Variants in URM1 observed in about 807,000 individuals in gnomAD.
URM1 encodes ubiquitin-related modifier 1.
A neutral mutation model predicts 17.7 loss-of-function variants in URM1; 11 were observed. That is an observed-to-expected ratio of 0.62 (90% CI 0.39 to 1.03). The LOEUF (loss-of-function observed/expected upper bound fraction) is 1.03. Ranked by LOEUF, URM1 falls within the 50% of genes least tolerant of loss-of-function variation. The pLI is 0.00. For synonymous variants in URM1, 48 were observed against 50.6 expected, an observed-to-expected ratio of 0.95 and a Z score of 0.22; for missense variants, 128 against 129.2, an observed-to-expected ratio of 0.99 and a Z score of 0.04.
chr9:128,386,816 G>A lies in URM1; in HGVS notation c.107-1000G>A, dbSNP rs1466951545. Among the ~76,000 whole-genome samples the A allele has an allele frequency of 4.6e-5, 7 of 152,224 alleles. No homozygotes were observed. In the East Asian group the frequency reaches 1.2e-3, roughly 25 times the overall value. On this transcript the variant is annotated intron_variant, in intron 2 of 4. Coordinates refer to ENST00000372853, the MANE Select transcript of URM1 (RefSeq NM_030914.4). ...TCCAGGACAGCAGACCCCTCTGGAC[G>A]CTGACTCGGGATGGGGTGCTTAACC...
chr9:128,376,099 A>G (rs1833072883), intron 1 of URM1, among the ~76,000 whole-genome samples: 1 of 151,958 alleles, frequency 6.6e-6, no homozygotes, highest in Non-Finnish European at 1.5e-5. Context: ...AGAGCCAGGC[A>G]TGATGACTCA....
intron 1 of URM1, among the ~76,000 whole-genome samples, chr9:128,375,051 C>T (rs1351662328): frequency 1.3e-5 from 2 of 152,226 alleles, no homozygotes; most frequent in African/African-American, 4.8e-5. Flanking sequence ...AGTTCAGCCC[C>T]TGCCTCTCTA....
At position 128,377,924 on chromosome 9, in the gene URM1, C is replaced by T. The variant is rs117782861; in HGVS notation, c.36-112C>T. 3,693 of 1,090,754 alleles carry T rather than the reference C, an allele frequency of 3.4e-3. 18 individuals are homozygous for T. The highest frequency in any genetic ancestry group is 0.01 in the Middle Eastern group (53 of 5,124). 67.6% of individuals were successfully genotyped at this position (1,090,754 alleles called of 1,614,324 possible). A position where few individuals can be genotyped will look rare whatever the true frequency, so the allele number is the denominator to read the frequency against. ...CCAAGGTGTTTCTGCACCTTAGTCTCTGCTTCTCTCGGCCTTCATTACCAG... is the reference window on the plus strand; with the variant it reads ...CCAAGGTGTTTCTGCACCTTAGTCTTTGCTTCTCTCGGCCTTCATTACCAG... On this transcript the variant is annotated intron_variant, in intron 1 of 4. Transcript: ENST00000372853.
chr9:128,379,492 A>T (rs986785832), intron 2 of URM1, among the ~76,000 whole-genome samples: 3 of 150,518 alleles, frequency 2.0e-5, no homozygotes, highest in African/African-American at 7.4e-5. Context: ...AAAAAGAAAA[A>T]GAAATAAGAA....
Position 128,390,112 on chromosome 9 carries a change from G to A in URM1, c.*378G>A, listed in dbSNP as rs1833290204. 7.4e-6 allele frequency: 2 copies of A among 269,628 alleles called. No homozygotes were observed. Among genetic ancestry groups the A allele is most frequent in the Non-Finnish European group, 1.4e-5 (2 of 141,482 alleles). The allele number at this position is 269,628 out of a possible 1,614,324, so 16.7% of individuals were successfully genotyped here. A position where few individuals can be genotyped will look rare whatever the true frequency, so the allele number is the denominator to read the frequency against. On this transcript the variant is annotated 3_prime_UTR_variant, in exon 5 of 5. Transcript: ENST00000372853. The stretch of plus-strand genomic sequence containing the variant: ...AAGGCGCTCCAGCCCCAGAGCCAGC[G>A]TCTTCATGGGGAAGATGAATGGACC...
At chr9:128,374,021 T>C (rs1174582054) in intron 1 of URM1, among the ~76,000 whole-genome samples, 1 of 152,190 alleles carries the variant, frequency 6.6e-6, no homozygotes, top group Admixed American at 6.5e-5. Context: ...TACAAACACA[T>C]CCACCAAGAA....
In URM1 at chr9:128,391,127, G is replaced by A. The variant is rs1588590675; in HGVS notation, c.*1393G>A. ...TTTGCTGGAGGGAGACCCCCAAAAAGAATTAGGGTGCTAACATCCCACCAA... is the reference window on the plus strand; with the variant it reads ...TTTGCTGGAGGGAGACCCCCAAAAAAAATTAGGGTGCTAACATCCCACCAA... On this transcript the variant is annotated 3_prime_UTR_variant, in exon 5 of 5. Coordinates refer to ENST00000372853, the MANE Select transcript of URM1 (RefSeq NM_030914.4). 1 of 152,202 alleles carries A rather than the reference G, an allele frequency of 6.6e-6. No individual in the cohort carries two copies. The highest frequency in any genetic ancestry group is 1.5e-5 in the Non-Finnish European group (1 of 68,026). The allele number at this position is 152,202 out of a possible 1,614,324, so 9.4% of individuals were successfully genotyped here. A position where few individuals can be genotyped will look rare whatever the true frequency, so the allele number is the denominator to read the frequency against.
rs1242119089 is a variant in URM1, at chr9:128,389,969, C to A, written c.*235C>A. 2 of 582,132 alleles carry A rather than the reference C, an allele frequency of 3.4e-6. No homozygotes were observed. Among genetic ancestry groups the A allele is most frequent in the Admixed American group, 6.5e-5 (2 of 30,680 alleles). The allele number at this position is 582,132 out of a possible 1,614,324, so 36.1% of individuals were successfully genotyped here. ...AGCCCAGCACTCCCTTTTCCAGCAG[C>A]TGTGGTGGGGGAGGGTTCCCCTCCA... On this transcript the variant is annotated 3_prime_UTR_variant, in exon 5 of 5. Transcript: ENST00000372853.
chr9:128,379,509 C>T (rs1833129302), intron 2 of URM1, among the ~76,000 whole-genome samples: 1 of 145,860 alleles, frequency 6.9e-6, no homozygotes, highest in Non-Finnish European at 1.5e-5. Flanking sequence ...AGAAAATAGG[C>T]CAGGTGTTGG....
intron 1 of URM1, among the ~76,000 whole-genome samples, chr9:128,374,353 T>C (rs1833050617): frequency 6.6e-6 from 1 of 152,202 alleles, no homozygotes; most frequent in Non-Finnish European, 1.5e-5. Context: ...TTGGCCAGTC[T>C]TGGTTGTTTG....
chr9:128,387,098 AG>A lies in URM1; in HGVS notation c.107-716del, dbSNP rs1311648755. Reference sequence around the variant, plus strand: ...CTGAGCCTCCACATGACATACAAGGAGGCTGGTGGCTCCCCCAGAACCACAA... The same window carrying A: ...CTGAGCCTCCACATGACATACAAGGAGCTGGTGGCTCCCCCAGAACCACAA... On this transcript the variant is annotated intron_variant, in intron 2 of 4. Coordinates refer to ENST00000372853, the MANE Select transcript of URM1 (RefSeq NM_030914.4). This position sits in a 1 kb window ranked among gnomAD's most constrained non-coding sequence, Gnocchi z 4.3. Among the ~76,000 whole-genome samples the A allele has an allele frequency of 6.6e-6, 1 of 152,184 alleles. No homozygotes were observed. Among genetic ancestry groups the A allele is most frequent in the Non-Finnish European group, 1.5e-5 (1 of 68,036 alleles).
intron 2 of URM1, among the ~76,000 whole-genome samples, chr9:128,378,588 T>C (rs1444761354): frequency 6.8e-6 from 1 of 147,448 alleles, no homozygotes; most frequent in Non-Finnish European, 1.5e-5. Context: ...TAATCTTTCT[T>C]GAACAAATAT....
intron 1 of URM1, among the ~76,000 whole-genome samples, chr9:128,375,260 C>T (rs1199678229): frequency 6.6e-6 from 1 of 152,200 alleles, no homozygotes; most frequent in Non-Finnish European, 1.5e-5. Flanking sequence ...CTCTCAGCCT[C>T]CAGCACTGTG....
At position 128,389,807 on chromosome 9, in the gene URM1, C is replaced by T. The variant is rs563036884; in HGVS notation, c.*73C>T. On this transcript the variant is annotated 3_prime_UTR_variant, in exon 5 of 5. Coordinates refer to ENST00000372853, the MANE Select transcript of URM1 (RefSeq NM_030914.4). ...TCAGACATCCCCTTGGGCCCTGCTT[C>T]CAGGTCTCCCTGTCCCCCTTGCCTG... 1.9e-5 allele frequency: 31 copies of T among 1,595,372 alleles called. 1 individual carries two copies. The East Asian group carries it at 3.8e-4, about 20-fold the overall frequency.
chr9:128,373,875 C>A (rs1359439161), intron 1 of URM1, among the ~76,000 whole-genome samples: 1 of 152,098 alleles, frequency 6.6e-6, no homozygotes, highest in African/African-American at 2.4e-5. Flanking sequence ...TGCAGCCCAG[C>A]AGGTGGAGAG....
chr9:128,379,191 G>T (rs181459700), intron 2 of URM1, among the ~76,000 whole-genome samples: 5 of 152,116 alleles, frequency 3.3e-5, no homozygotes, highest in African/African-American at 9.6e-5. Context: ...GTAGAAAATG[G>T]TCAAGTCAGG....
rs1283270121 is a variant in URM1, at chr9:128,390,299, A to C, written c.*565A>C. The stretch of plus-strand genomic sequence containing the variant: ...AGTGCCGACTCCCCCCACCGCCAGC[A>C]GCTGCTCCTCCAGCCACACCCCTCC... On this transcript the variant is annotated 3_prime_UTR_variant, in exon 5 of 5. Transcript: ENST00000372853. 1 of 150,690 alleles carries C rather than the reference A, an allele frequency of 6.6e-6. No homozygotes were observed. Among genetic ancestry groups the C allele is most frequent in the Non-Finnish European group, 1.5e-5 (1 of 68,466 alleles). The allele number at this position is 150,690 out of a possible 1,614,324, so 9.3% of individuals were successfully genotyped here.
intron 4 of URM1, 98 bp from the exon 5 acceptor site, chr9:128,389,568 C>G: frequency 6.3e-6 from 10 of 1,575,144 alleles, no homozygotes; most frequent in Non-Finnish European, 7.8e-6. Flanking sequence ...TCTGTCTCTT[C>G]CAGAGCAGCC....
chr9:128,375,987 C>G (rs1309684363), intron 1 of URM1, among the ~76,000 whole-genome samples: 1 of 152,058 alleles, frequency 6.6e-6, no homozygotes, highest in African/African-American at 2.4e-5. Flanking sequence ...GTGTTCTGCA[C>G]CTGTGTGGTA....
Sources: allele counts gnomAD v4.1 joint callset (sites outside exome capture counted in the v4.1 genomes callset), GRCh38; gene constraint gnomAD v4.1.1; non-coding constraint Gnocchi (gnomAD v3.1); transcripts MANE v1.5; gene names NCBI Gene and HGNC (gene_info 2026-07-23, HGNC 2026-07-21).